The following TM4SF4 variants were observed in gnomAD, a reference collection of about 807,000 sequenced individuals.
The protein encoded by TM4SF4 is transmembrane 4 L six family member 4, also known as transmembrane 4 L6 family member 4.
In TM4SF4, 24 loss-of-function variants were observed where a neutral mutation model predicts 24.1. The ratio of observed to expected loss-of-function variants is 1.00; its 90% CI spans 0.72 to 1.40. The LOEUF is 1.40. Among genes scored for constraint, TM4SF4 ranks in the 40% most tolerant of loss-of-function variants. The pLI, the probability that TM4SF4 is intolerant of heterozygous loss-of-function variation, is 0.00. For synonymous variants in TM4SF4, 113 were observed against 97.0 expected (o/e 1.17, Z -0.97); for missense variants, 254 against 254.2 (o/e 1.00, Z 0.01).
chr3:149,497,061 A>C (rs1188163914), intron 3 of TM4SF4, among the ~76,000 whole-genome samples: 1 of 152,220 alleles, frequency 6.6e-6, no homozygotes, highest in Non-Finnish European at 1.5e-5. Context: ...AGTAACTTGC[A>C]TGAGGAATAC....
Position 149,474,894 on chromosome 3 carries a change from G to A in TM4SF4, c.17G>A (p.Cys6Tyr). Reference sequence around the variant, plus strand: ...CACCCCAGAATGTGCACTGGGGGCTGTGCCAGATGCCTGGGGGGGACCCTC... The same window carrying A: ...CACCCCAGAATGTGCACTGGGGGCTATGCCAGATGCCTGGGGGGGACCCTC... MCTGG[C>Y]ARCLGGTLIP... Residue 6 changes from cysteine to tyrosine, a missense_variant, in exon 1 of 5, where the codon TGT (cysteine) becomes TAT (tyrosine). Coordinates refer to ENST00000305354, the MANE Select transcript of TM4SF4 (RefSeq NM_004617.4). 6.2e-7 allele frequency: 1 copy of A among 1,613,768 alleles called. No homozygotes were observed. Among genetic ancestry groups the A allele is most frequent in the Admixed American group, 1.7e-5 (1 of 59,916 alleles).
chr3:149,493,566 T>C (rs1290379353), intron 3 of TM4SF4, among the ~76,000 whole-genome samples: 1 of 152,168 alleles, frequency 6.6e-6, no homozygotes, highest in Non-Finnish European at 1.5e-5. Flanking sequence ...CCTTGGAGCA[T>C]TAGGAAAGAT....
At chr3:149,480,136 A>G (rs1734008650) in intron 2 of TM4SF4, among the ~76,000 whole-genome samples, 1 of 65,186 alleles carries the variant, frequency 1.5e-5, no homozygotes, top group South Asian at 3.4e-4. Context: ...CAAAAATAGT[A>G]AGAACCCCGG....
chr3:149,484,546 G>C (rs1377132331), intron 2 of TM4SF4, among the ~76,000 whole-genome samples: 2 of 144,580 alleles, frequency 1.4e-5, no homozygotes, highest in Admixed American at 1.4e-4. Flanking sequence ...ACCACACCCC[G>C]CTAATTTTTT....
chr3:149,499,467 A>C (rs1734375937), intron 4 of TM4SF4, among the ~76,000 whole-genome samples: 2 of 152,196 alleles, frequency 1.3e-5, no homozygotes, highest in South Asian at 4.1e-4. Context: ...ACCAACAACA[A>C]ATTACTAAAA....
chr3:149,489,370 T>C (rs1413656052), intron 3 of TM4SF4, among the ~76,000 whole-genome samples: 3 of 152,268 alleles, frequency 2.0e-5, no homozygotes, highest in Non-Finnish European at 2.9e-5. Context: ...AACATATTTT[T>C]CTATTTTTTC....
chr3:149,487,886 G>A, intron 3 of TM4SF4, 131 bp downstream of exon 3: 1 of 1,299,054 alleles, frequency 7.7e-7, no homozygotes, highest in Non-Finnish European at 1.1e-6. Context: ...CTCCTTTGAG[G>A]CAGAGATGGA....
At chr3:149,501,923 T>C (rs1010739936) in intron 4 of TM4SF4, among the ~76,000 whole-genome samples, 15 of 152,346 alleles carry the variant, frequency 9.8e-5, no homozygotes, top group African/African-American at 3.6e-4. Flanking sequence ...ATGTCAGCTG[T>C]GTGGTCTTGG....
At chr3:149,486,498 A>G (rs1001387965) in intron 2 of TM4SF4, among the ~76,000 whole-genome samples, 1 of 152,244 alleles carries the variant, frequency 6.6e-6, no homozygotes, top group Non-Finnish European at 1.5e-5. Context: ...ACTGTCTAGA[A>G]TGGATATTGC....
chr3:149,474,909 G>C lies in TM4SF4; in HGVS notation c.32G>C (p.Gly11Ala), dbSNP rs373518368. 1 of 1,613,944 alleles carries C rather than the reference G, an allele frequency of 6.2e-7. No homozygotes were observed. Among genetic ancestry groups the C allele is most frequent in the East Asian group, 2.2e-5 (1 of 44,880 alleles). Reference sequence around the variant, plus strand: ...ACTGGGGGCTGTGCCAGATGCCTGGGGGGGACCCTCATTCCCCTTGCTTTT... The same window carrying C: ...ACTGGGGGCTGTGCCAGATGCCTGGCGGGGACCCTCATTCCCCTTGCTTTT... MCTGGCARCL[G>A]GTLIPLAFFG... The change falls in exon 1 of 5, where the codon GGG (glycine) becomes GCG (alanine). Residue 11 changes from glycine (G) to alanine (A), a missense_variant. Transcript: ENST00000305354.
At chr3:149,486,725 A>G (rs1160668290) in intron 2 of TM4SF4, among the ~76,000 whole-genome samples, 1 of 152,220 alleles carries the variant, frequency 6.6e-6, no homozygotes, top group Non-Finnish European at 1.5e-5. Flanking sequence ...CTTAAAGAAG[A>G]GAAAATGCTC....
In TM4SF4 at chr3:149,475,053, T is replaced by A. The variant is rs576092377; in HGVS notation, c.174+2T>A. On this transcript the variant is annotated splice_donor_variant, in intron 1 of 4. Coordinates refer to ENST00000305354, the MANE Select transcript of TM4SF4 (RefSeq NM_004617.4). LOFTEE classifies it high-confidence loss of function. ...GGAATATTAGGAAGCGGTGTCTTGG[T>A]GAGTAGGGAAGCTTAAAATCCCCCT... The A allele has an allele frequency of 8.1e-5, 127 of 1,563,486 alleles. No homozygotes were observed. In the Admixed American group the frequency reaches 1.1e-3, roughly 13 times the overall value.
At chr3:149,489,995 T>C (rs1734184079) in intron 3 of TM4SF4, among the ~76,000 whole-genome samples, 1 of 152,064 alleles carries the variant, frequency 6.6e-6, no homozygotes. Context: ...AAAAAATTAC[T>C]GTACAGGGAT....
At chr3:149,489,730 T>C (rs9842139) in intron 3 of TM4SF4, among the ~76,000 whole-genome samples, 45,407 of 152,162 alleles carry the variant, frequency 0.3, 8,391 homozygotes, top group Non-Finnish European at 0.42. Flanking sequence ...TATTGTGTAT[T>C]GCTCTGTAAT....
chr3:149,483,149 C>CTATT (rs60657152), intron 2 of TM4SF4, among the ~76,000 whole-genome samples: 54,240 of 151,748 alleles, frequency 0.36, 10,169 homozygotes, highest in Non-Finnish European at 0.42. Context: ...CACTCAGAAC[C>CTATT]TATTTCTGAA....
At chr3:149,500,489 T>C (rs1354037009) in intron 4 of TM4SF4, among the ~76,000 whole-genome samples, 1 of 152,192 alleles carries the variant, frequency 6.6e-6, no homozygotes, top group East Asian at 1.9e-4. Flanking sequence ...AGTTCTACTG[T>C]ATTGTATTCA....
intron 3 of TM4SF4, among the ~76,000 whole-genome samples, chr3:149,492,469 A>G (rs72615628): frequency 0.12 from 18,236 of 152,136 alleles, 1,578 homozygotes; most frequent in East Asian, 0.44. Context: ...ACCTCCTCCC[A>G]TCCAAGGTCT....
At chr3:149,475,377 C>T (rs763956867) in intron 1 of TM4SF4, among the ~76,000 whole-genome samples, 2 of 152,130 alleles carry the variant, frequency 1.3e-5, no homozygotes, top group Non-Finnish European at 2.9e-5. Flanking sequence ...AACAAACCCA[C>T]GATGCAAACC....
intron 2 of TM4SF4, among the ~76,000 whole-genome samples, chr3:149,485,602 A>G (rs964632684): frequency 2.0e-5 from 3 of 152,152 alleles, no homozygotes; most frequent in Non-Finnish European, 1.5e-5. Context: ...ACTTCAAGGA[A>G]CTTGTGCTCT....
Sources: allele counts gnomAD v4.1 joint callset (sites outside exome capture counted in the v4.1 genomes callset), GRCh38; gene constraint gnomAD v4.1.1; transcripts MANE v1.5; gene names NCBI Gene and HGNC (gene_info 2026-07-23, HGNC 2026-07-21).